UNC5B: variants seen among roughly 807,000 people sequenced by gnomAD.
UNC5B encodes the protein unc-5 netrin receptor B, also known as netrin receptor UNC5B.
UNC5B carries 56 observed loss-of-function variants against 103.7 expected under a neutral mutation model. The ratio of observed to expected loss-of-function variants is 0.54; its 90% CI spans 0.44 to 0.67. The LOEUF is 0.67. Ranked by LOEUF, UNC5B falls within the 30% of genes least tolerant of loss-of-function variation. The probability of loss-of-function intolerance (pLI) is 0.00; values close to 1 mark genes in which losing one functional copy is unlikely to be tolerated. For missense variants in UNC5B, 1,194 were observed against 1,284.5 expected (o/e 0.93, Z 1.08); for synonymous variants, 577 against 542.0 (o/e 1.06, Z -0.90).
chr10:71,216,090 A>G (rs1162134963), intron 1 of UNC5B, among the ~76,000 whole-genome samples: 1 of 151,972 alleles, frequency 6.6e-6, no homozygotes, highest in Non-Finnish European at 1.5e-5. Context: ...TTTCCAATCC[A>G]TTTATTTAAC....
At chr10:71,254,219 G>T (rs1416752497) in intron 1 of UNC5B, among the ~76,000 whole-genome samples, 1 of 152,220 alleles carries the variant, frequency 6.6e-6, no homozygotes, top group African/African-American at 2.4e-5. Context: ...AGCAGAGGGG[G>T]TTTTGTGCCC....
intron 1 of UNC5B, among the ~76,000 whole-genome samples, chr10:71,264,368 A>G (rs144089512): frequency 4.5e-4 from 69 of 152,346 alleles, no homozygotes; most frequent in Admixed American, 3.5e-3. Flanking sequence ...TAACATGTCT[A>G]ATCCATGCTA....
chr10:71,213,379 C>T lies in UNC5B; in HGVS notation c.79+315C>T, dbSNP rs577446737. Among the ~76,000 whole-genome samples, 216 of 152,236 alleles carry T rather than the reference C, an allele frequency of 1.4e-3. No homozygotes were observed. Among genetic ancestry groups the T allele is most frequent in the African/African-American group, 5.0e-3 (208 of 41,556 alleles). ...CGGGAGGATCCGCCTCCTGGGGACG[C>T]CCGGCTCTCCGCGCGCCTGGCATCC... On this transcript the variant is annotated intron_variant, in intron 1 of 16. Coordinates refer to ENST00000335350, the MANE Select transcript of UNC5B (RefSeq NM_170744.5). The surrounding 1 kb of genome is among the most constrained non-coding windows in gnomAD (Gnocchi z 4.1).
intron 1 of UNC5B, among the ~76,000 whole-genome samples, chr10:71,230,903 G>A (rs561046734): frequency 6.6e-6 from 1 of 152,318 alleles, no homozygotes; most frequent in African/African-American, 2.4e-5. Context: ...TTGTTTATAT[G>A]GAGAGCAGCC....
At chr10:71,273,061 G>A (rs566228575) in intron 1 of UNC5B, among the ~76,000 whole-genome samples, 15 of 152,206 alleles carry the variant, frequency 9.9e-5, no homozygotes, top group Non-Finnish European at 1.9e-4. Flanking sequence ...GCTAATTTTT[G>A]TATTTTTAGT....
chr10:71,288,428 C>T, intron 6 of UNC5B, 140 bp from the exon 7 acceptor site: 5 of 1,273,806 alleles, frequency 3.9e-6, no homozygotes, highest in African/African-American at 1.5e-5. Flanking sequence ...CTGTGTGGCA[C>T]ACATGTGTTC....
intron 1 of UNC5B, among the ~76,000 whole-genome samples, chr10:71,258,468 T>C (rs569921713): frequency 6.6e-6 from 1 of 152,254 alleles, no homozygotes; most frequent in East Asian, 1.9e-4. Flanking sequence ...CCATTCCTCC[T>C]CCAAGCCCAG....
intron 1 of UNC5B, among the ~76,000 whole-genome samples, chr10:71,232,890 G>T (rs1364144353): frequency 6.6e-6 from 1 of 152,186 alleles, no homozygotes; most frequent in African/African-American, 2.4e-5. Context: ...TCTGTGAGAT[G>T]GGCATGATTA....
intron 14 of UNC5B, among the ~76,000 whole-genome samples, chr10:71,296,367 C>T (rs1845412407): frequency 6.6e-6 from 1 of 152,274 alleles, no homozygotes; most frequent in Non-Finnish European, 1.5e-5. Context: ...CTGTGCCTTT[C>T]CCTCCCCCAC....
intron 1 of UNC5B, among the ~76,000 whole-genome samples, chr10:71,222,343 G>C (rs1271053723): frequency 1.3e-5 from 2 of 152,052 alleles, no homozygotes; most frequent in Non-Finnish European, 2.9e-5. Context: ...CAGCCTTTAG[G>C]ATTTGAATCT....
At chr10:71,281,619 C>T (rs1181841968) in intron 2 of UNC5B, among the ~76,000 whole-genome samples, 3 of 152,216 alleles carry the variant, frequency 2.0e-5, no homozygotes, top group East Asian at 1.9e-4. Flanking sequence ...GGATTACAGG[C>T]GTGAGCCACC....
At chr10:71,293,634 A>G in intron 12 of UNC5B, 61 bp downstream of exon 12, 1 of 1,609,008 alleles carries the variant, frequency 6.2e-7, no homozygotes, top group Non-Finnish European at 8.5e-7. Context: ...GGCAAAAGAA[A>G]GCCCTTTTCC....
In UNC5B at chr10:71,284,329, G is replaced by A. The variant is rs377524398; in HGVS notation, c.305-391G>A. On this transcript the variant is annotated intron_variant, in intron 2 of 16. Coordinates refer to ENST00000335350, the MANE Select transcript of UNC5B (RefSeq NM_170744.5). ...GAACATGAGGGCCTGGAAGACACCCGGTGAGGCTGCAGTGGGATGGGGATG... is the reference window on the plus strand; with the variant it reads ...GAACATGAGGGCCTGGAAGACACCCAGTGAGGCTGCAGTGGGATGGGGATG... Among the ~76,000 whole-genome samples, 26 of 152,272 alleles carry A rather than the reference G, an allele frequency of 1.7e-4. 1 individual carries two copies. Among genetic ancestry groups the A allele is most frequent in the Admixed American group, 1.0e-3 (16 of 15,302 alleles).
chr10:71,251,178 G>T (rs571944613), intron 1 of UNC5B, among the ~76,000 whole-genome samples: 1 of 152,124 alleles, frequency 6.6e-6, no homozygotes, highest in Non-Finnish European at 1.5e-5. Context: ...AGGTTACCCC[G>T]CTGCTTGCTT....
chr10:71,214,830 C>T (rs533862671), intron 1 of UNC5B, among the ~76,000 whole-genome samples: 1 of 152,288 alleles, frequency 6.6e-6, no homozygotes, highest in Admixed American at 6.5e-5. Flanking sequence ...CCCACCTTCC[C>T]CAGAAGAAAC....
In UNC5B at chr10:71,302,431, C is replaced by T. The variant is rs1845602369; in HGVS notation, c.*3154C>T. ...AGGGTTTGGTGTGCCTGTCTTCTGC[C>T]CTCCCTGAGCCCACAGGGTCAGTCA... On this transcript the variant is annotated 3_prime_UTR_variant, in exon 17 of 17. Transcript: ENST00000335350. 6.6e-6 allele frequency: 1 copy of T among 151,952 alleles called. No homozygotes were observed. The highest frequency in any genetic ancestry group is 2.4e-5 in the African/African-American group (1 of 41,104). 9.4% of individuals were successfully genotyped at this position (151,952 alleles called of 1,614,324 possible). A position where few individuals can be genotyped will look rare whatever the true frequency, so the allele number is the denominator to read the frequency against.
chr10:71,229,271 C>G (rs1463339095), intron 1 of UNC5B, among the ~76,000 whole-genome samples: 1 of 152,148 alleles, frequency 6.6e-6, no homozygotes, highest in Non-Finnish European at 1.5e-5. Context: ...AGCAACAAGC[C>G]CCAGGGGCAG....
chr10:71,234,021 T>A (rs1017695633), intron 1 of UNC5B, among the ~76,000 whole-genome samples: 1 of 152,238 alleles, frequency 6.6e-6, no homozygotes, highest in Non-Finnish European at 1.5e-5. Flanking sequence ...CAGTTATATG[T>A]GTTATATGGC....
At chr10:71,259,105 C>T (rs567573540) in intron 1 of UNC5B, among the ~76,000 whole-genome samples, 101 of 152,308 alleles carry the variant, frequency 6.6e-4, no homozygotes, top group South Asian at 1.7e-3. Context: ...AAAGTAATGA[C>T]TGGGCCGGGT....
Sources: gnomAD v4.1 joint callset for allele counts (sites outside exome capture counted in the v4.1 genomes callset) on GRCh38, gnomAD v4.1.1 for gene constraint, Gnocchi (gnomAD v3.1) non-coding constraint, MANE v1.5 for transcripts, NCBI Gene and HGNC (gene_info 2026-07-23, HGNC 2026-07-21) for gene names.